The following CADM2 variants were observed in gnomAD, a reference collection of about 807,000 sequenced individuals.
CADM2 encodes the protein cell adhesion molecule 2, also known as immunoglobulin superfamily member 4D.
In CADM2, 12 loss-of-function variants were observed where a neutral mutation model predicts 49.8. The ratio of observed to expected loss-of-function variants is 0.24; its 90% CI spans 0.15 to 0.39. The LOEUF (loss-of-function observed/expected upper bound fraction) is 0.39. CADM2 is among the 10% of genes least tolerant of loss of function. CADM2 has a pLI of 1.00. For synonymous variants in CADM2, 214 were observed against 175.4 expected, an observed-to-expected ratio of 1.22 and a Z score of -1.74; for missense variants, 378 against 492.3, an observed-to-expected ratio of 0.77 and a Z score of 2.20.
At chr3:85,927,619 A>G (rs1720041889) in intron 6 of CADM2, among the ~76,000 whole-genome samples, 1 of 152,172 alleles carries the variant, frequency 6.6e-6, no homozygotes. Context: ...TCAACCAAAG[A>G]CTGTAATATA....
intron 1 of CADM2, among the ~76,000 whole-genome samples, chr3:85,563,001 C>T (rs1024595117): frequency 6.6e-6 from 1 of 152,118 alleles, no homozygotes; most frequent in Non-Finnish European, 1.5e-5. Flanking sequence ...CATACTGTAA[C>T]ATTTGGTGTC....
At chr3:85,947,758 G>GT (rs1722920689) in intron 7 of CADM2, among the ~76,000 whole-genome samples, 1 of 151,476 alleles carries the variant, frequency 6.6e-6, no homozygotes, top group African/African-American at 2.4e-5. Flanking sequence ...CTCCACTGCT[G>GT]TTATTTAGGC....
chr3:85,065,906 A>G (rs569023757), intron 1 of CADM2, among the ~76,000 whole-genome samples: 8 of 152,288 alleles, frequency 5.3e-5, no homozygotes, highest in African/African-American at 1.4e-4. Flanking sequence ...AAGCTGTAAC[A>G]ATTCATTAGC....
chr3:85,928,244 C>T (rs922526061), intron 6 of CADM2, among the ~76,000 whole-genome samples: 1 of 151,438 alleles, frequency 6.6e-6, no homozygotes, highest in African/African-American at 2.4e-5. Context: ...CTGTAACCTC[C>T]GCCTCCCGGG....
chr3:85,296,609 ACTC>A (rs1342228783), intron 1 of CADM2, among the ~76,000 whole-genome samples: 3 of 152,000 alleles, frequency 2.0e-5, no homozygotes, highest in Non-Finnish European at 4.4e-5. Flanking sequence ...TTAGAGTCTC[ACTC>A]CTTAATCTAA....
intron 1 of CADM2, among the ~76,000 whole-genome samples, chr3:85,590,252 C>A (rs531186579): frequency 6.6e-6 from 1 of 152,016 alleles, no homozygotes; most frequent in Admixed American, 6.6e-5. Flanking sequence ...CAGAAGTGGC[C>A]TTTGACATAT....
chr3:85,312,984 C>A (rs2044383394), intron 1 of CADM2, among the ~76,000 whole-genome samples: 1 of 152,060 alleles, frequency 6.6e-6, no homozygotes, highest in South Asian at 2.1e-4. Flanking sequence ...ACATTTAATC[C>A]CAGAGGCACA....
chr3:85,738,793 A>G (rs774237617), intron 2 of CADM2, among the ~76,000 whole-genome samples: 2 of 152,178 alleles, frequency 1.3e-5, no homozygotes, highest in Non-Finnish European at 2.9e-5. Context: ...AGCATTTCTT[A>G]TCATCTTTAT....
chr3:85,565,005 G>A (rs1227717255), intron 1 of CADM2, among the ~76,000 whole-genome samples: 2 of 152,066 alleles, frequency 1.3e-5, no homozygotes, highest in Admixed American at 1.3e-4. Context: ...CAAATCAGAG[G>A]TACATCTGGC....
intron 8 of CADM2, among the ~76,000 whole-genome samples, chr3:86,030,052 A>ATCTT (rs1310077484): frequency 6.6e-6 from 1 of 151,914 alleles, no homozygotes; most frequent in Non-Finnish European, 1.5e-5. Flanking sequence ...AGGAAGGGGG[A>ATCTT]TCTTTAAAAA....
intron 1 of CADM2, among the ~76,000 whole-genome samples, chr3:85,323,840 T>G (rs1004472896): frequency 9.2e-5 from 14 of 152,190 alleles, no homozygotes; most frequent in African/African-American, 3.4e-4. Flanking sequence ...GTCACAGTGA[T>G]CTTTCTGAAG....
At chr3:85,178,091 A>T (rs1040644854) in intron 1 of CADM2, among the ~76,000 whole-genome samples, 4 of 151,914 alleles carry the variant, frequency 2.6e-5, no homozygotes, top group South Asian at 2.1e-4. Context: ...AGCTTGATGC[A>T]ATCTGGGATT....
chr3:85,879,129 G>A (rs1310588088), intron 3 of CADM2, among the ~76,000 whole-genome samples: 1 of 151,266 alleles, frequency 6.6e-6, no homozygotes, highest in African/African-American at 2.4e-5. Context: ...TTTTGAAAAG[G>A]GGTTGATATA....
At chr3:85,221,523 G>A (rs915200185) in intron 1 of CADM2, among the ~76,000 whole-genome samples, 2 of 152,086 alleles carry the variant, frequency 1.3e-5, no homozygotes, top group Non-Finnish European at 2.9e-5. Context: ...AAAAAATTAG[G>A]TGAGCTAATA....
At chr3:85,439,870 C>G (rs889602437) in intron 1 of CADM2, among the ~76,000 whole-genome samples, 3 of 152,138 alleles carry the variant, frequency 2.0e-5, no homozygotes, top group Non-Finnish European at 4.4e-5. Flanking sequence ...AAGTCAGACT[C>G]AAAAACATCT....
At chr3:85,329,615 A>C (rs765073661) in intron 1 of CADM2, among the ~76,000 whole-genome samples, 3 of 152,092 alleles carry the variant, frequency 2.0e-5, no homozygotes, top group Non-Finnish European at 2.9e-5. Flanking sequence ...AAACAAAAAA[A>C]CAAATACACA....
chr3:85,102,125 A>G (rs780842404), intron 1 of CADM2, among the ~76,000 whole-genome samples: 4 of 152,216 alleles, frequency 2.6e-5, no homozygotes, highest in Non-Finnish European at 5.9e-5. Context: ...CTTGTGATAT[A>G]AAGCTTAATC....
At chr3:85,089,685 G>A (rs1413446877) in intron 1 of CADM2, among the ~76,000 whole-genome samples, 1 of 152,030 alleles carries the variant, frequency 6.6e-6, no homozygotes, top group African/African-American at 2.4e-5. Flanking sequence ...CTTAATTAGA[G>A]TACGTCTATT....
chr3:85,568,469 C>CTCTCTT (rs2062364074), intron 1 of CADM2, among the ~76,000 whole-genome samples: 3 of 11,154 alleles, frequency 2.7e-4, no homozygotes, highest in African/African-American at 4.6e-4. Context: ...CTTTCTCTTT[C>CTCTCTT]TCTCTCTTTC....
Sources: allele counts gnomAD v4.1 joint callset (sites outside exome capture counted in the v4.1 genomes callset), GRCh38; gene constraint gnomAD v4.1.1; transcripts MANE v1.5; gene names NCBI Gene and HGNC (gene_info 2026-07-23, HGNC 2026-07-21).